EYS: variants seen among roughly 807,000 people sequenced by gnomAD.
EYS encodes the protein protein eyes shut homolog.
Under a neutral mutation model 282.1 loss-of-function variants are expected in EYS, and 250 were observed. That is an observed-to-expected ratio of 0.89 (90% CI 0.80 to 0.98). The LOEUF is 0.98. Ranked by LOEUF, EYS falls within the 50% of genes least tolerant of loss-of-function variation. EYS has a pLI of 0.00. For missense variants in EYS, 4,016 were observed against 3,709.0 expected (o/e 1.08, Z -2.15); for synonymous variants, 1,355 against 1,282.9 (o/e 1.06, Z -1.20).
At chr6:64,860,237 C>T (rs142651312) in intron 19 of EYS, among the ~76,000 whole-genome samples, 137 of 152,302 alleles carry the variant, frequency 9.0e-4, no homozygotes, top group Non-Finnish European at 1.4e-3. Flanking sequence ...CTTTGCCAGC[C>T]AGAAAACTCT....
chr6:63,832,850 T>C (rs1208496908), intron 36 of EYS, among the ~76,000 whole-genome samples: 1 of 152,020 alleles, frequency 6.6e-6, no homozygotes, highest in Non-Finnish European at 1.5e-5. Flanking sequence ...CAGCAGCACA[T>C]CAAAAAGCTT....
At chr6:65,232,053 T>A (rs1766796559) in intron 12 of EYS, among the ~76,000 whole-genome samples, 1 of 152,112 alleles carries the variant, frequency 6.6e-6, no homozygotes, top group African/African-American at 2.4e-5. Flanking sequence ...TAAAATACAC[T>A]ATGTAAGTAA....
At chr6:64,379,906 T>C (rs1772688181) in intron 29 of EYS, among the ~76,000 whole-genome samples, 1 of 151,928 alleles carries the variant, frequency 6.6e-6, no homozygotes, top group Admixed American at 6.6e-5. Context: ...TATGGAAGAG[T>C]AGCTTAGGGG....
chr6:65,289,195 A>C (rs1768453397), intron 12 of EYS, among the ~76,000 whole-genome samples: 1 of 151,070 alleles, frequency 6.6e-6, no homozygotes, highest in African/African-American at 2.4e-5. Context: ...TATGGATTAA[A>C]ATAAGAAACT....
intron 8 of EYS, among the ~76,000 whole-genome samples, chr6:65,354,286 A>T (rs1764394740): frequency 1.3e-5 from 2 of 152,012 alleles, no homozygotes; most frequent in Non-Finnish European, 2.9e-5. Context: ...TTTAGAGCAT[A>T]CCCCTCAATT....
intron 19 of EYS, among the ~76,000 whole-genome samples, chr6:64,851,881 A>C (rs1387571236): frequency 6.6e-6 from 1 of 151,646 alleles, no homozygotes; most frequent in African/African-American, 2.4e-5. Context: ...TGTACAAGAA[A>C]CCCCCATGAC....
chr6:65,182,269 T>A (rs571975145), intron 12 of EYS, among the ~76,000 whole-genome samples: 2 of 151,114 alleles, frequency 1.3e-5, no homozygotes, highest in Non-Finnish European at 1.5e-5. Flanking sequence ...GGGTGTTAAA[T>A]GTTAAAAGAA....
chr6:64,717,181 A>C (rs1441474703), intron 22 of EYS, among the ~76,000 whole-genome samples: 1 of 152,204 alleles, frequency 6.6e-6, no homozygotes, highest in African/African-American at 2.4e-5. Context: ...CCACATGTGG[A>C]CTAAAATAAG....
At chr6:64,506,615 A>T (rs1777213683) in intron 26 of EYS, among the ~76,000 whole-genome samples, 1 of 152,168 alleles carries the variant, frequency 6.6e-6, no homozygotes, top group South Asian at 2.1e-4. Context: ...TAACTAATTT[A>T]AAACTGCCTT....
chr6:65,589,539 T>G (rs1340267321), intron 2 of EYS, among the ~76,000 whole-genome samples: 1 of 152,014 alleles, frequency 6.6e-6, no homozygotes, highest in Non-Finnish European at 1.5e-5. Flanking sequence ...TCTTGAATTC[T>G]GCTTGTACTC....
intron 22 of EYS, among the ~76,000 whole-genome samples, chr6:64,636,617 G>T (rs1582982182): frequency 1.3e-5 from 2 of 152,042 alleles, no homozygotes; most frequent in South Asian, 4.2e-4. Flanking sequence ...AAGAGCTTCT[G>T]CACAGCAAAA....
rs538708313 is a variant in EYS, at chr6:64,865,588, T to C, written c.2992+21109A>G. The stretch of plus-strand genomic sequence containing the variant: ...GTCCAAGTCTTATAAGCCTTTTCAG[T>C]CATGTTAAGAAATTAACTTTTATTT... On this transcript the variant is annotated intron_variant, in intron 19 of 42. Coordinates refer to ENST00000503581, the MANE Select transcript of EYS (RefSeq NM_001142800.2). Among the ~76,000 whole-genome samples, 10 of 152,286 alleles carry C rather than the reference T, an allele frequency of 6.6e-5. No individual in the cohort carries two copies. In the South Asian group the frequency reaches 1.7e-3, roughly 25 times the overall value.
At chr6:64,635,034 T>C (rs1268605881) in intron 22 of EYS, among the ~76,000 whole-genome samples, 1 of 152,008 alleles carries the variant, frequency 6.6e-6, no homozygotes, top group Non-Finnish European at 1.5e-5. Flanking sequence ...GAAGAGGTCC[T>C]TCACATCCCT....
intron 16 of EYS, among the ~76,000 whole-genome samples, chr6:64,907,142 T>C (rs2150074052): frequency 6.6e-6 from 1 of 152,258 alleles, no homozygotes; most frequent in East Asian, 1.9e-4. Context: ...AACCTTAAAC[T>C]CCTTTGCTCT....
rs566623420 is a variant in EYS at position 65,239,645 on chromosome 6, A to C, written c.2023+56218T>G. Among the ~76,000 whole-genome samples, 3 of 152,250 alleles carry C rather than the reference A, an allele frequency of 2.0e-5. No individual in the cohort carries two copies. The South Asian group carries it at 6.2e-4, about 32-fold the overall frequency. ...TAAATGAACAAATTTGAAAATCTTC[A>C]GAATTTTGTGGGTTTAGAAGCTGGG... On this transcript the variant is annotated intron_variant, in intron 12 of 42. Coordinates refer to ENST00000503581, the MANE Select transcript of EYS (RefSeq NM_001142800.2).
At chr6:64,328,258 C>T (rs530293663) in intron 29 of EYS, among the ~76,000 whole-genome samples, 59 of 152,308 alleles carry the variant, frequency 3.9e-4, no homozygotes, top group African/African-American at 1.3e-3. Context: ...GTTATACAAG[C>T]TGCCTTCCAG....
intron 31 of EYS, among the ~76,000 whole-genome samples, chr6:64,099,511 C>G (rs1772751677): frequency 6.6e-6 from 1 of 152,156 alleles, no homozygotes; most frequent in South Asian, 2.1e-4. Context: ...CACTGTATCA[C>G]AATTCAATCT....
intron 2 of EYS, among the ~76,000 whole-genome samples, chr6:65,616,570 G>T (rs988648775): frequency 6.6e-6 from 1 of 152,058 alleles, no homozygotes; most frequent in South Asian, 2.1e-4. Flanking sequence ...GGTGGATCAC[G>T]AGGTCAAGAG....
chr6:63,817,600 A>C (rs1771212323), intron 36 of EYS, among the ~76,000 whole-genome samples: 1 of 152,192 alleles, frequency 6.6e-6, no homozygotes, highest in South Asian at 2.1e-4. Context: ...TAGTTTGTAC[A>C]GGGTGAGAAA....
Sources: gnomAD v4.1 joint callset for allele counts (sites outside exome capture counted in the v4.1 genomes callset) on GRCh38, gnomAD v4.1.1 for gene constraint, MANE v1.5 for transcripts, NCBI Gene and HGNC (gene_info 2026-07-23, HGNC 2026-07-21) for gene names.